IQSEC1: variants seen among roughly 807,000 people sequenced by gnomAD.
The protein encoded by IQSEC1 is IQ motif and SEC7 domain-containing protein 1.
A neutral mutation model predicts 91.0 loss-of-function variants in IQSEC1; 31 were observed. That is an observed-to-expected ratio of 0.34 (90% CI 0.26 to 0.46). The LOEUF (loss-of-function observed/expected upper bound fraction) is 0.46. IQSEC1 is among the 20% of genes least tolerant of loss of function. The pLI, the probability that IQSEC1 is intolerant of heterozygous loss-of-function variation, is 1.00. For missense variants in IQSEC1, 1,388 were observed against 1,575.6 expected (o/e 0.88, Z 2.02); for synonymous variants, 699 against 662.6 (o/e 1.05, Z -0.84).
chr3:13,096,267 C>T (rs185355466), intron 2 of IQSEC1, among the ~76,000 whole-genome samples: 19 of 152,364 alleles, frequency 1.2e-4, no homozygotes, highest in African/African-American at 4.6e-4. Flanking sequence ...AGGCTACGCC[C>T]TAGCTCTTGG....
In IQSEC1 at chr3:13,211,856, G is replaced by A. The variant is rs890162008; in HGVS notation, c.273-47723C>T. Among the ~76,000 whole-genome samples, 16 of 152,108 alleles carry A rather than the reference G, an allele frequency of 1.1e-4. No homozygotes were observed. Among genetic ancestry groups the A allele is most frequent in the African/African-American group, 3.1e-4 (13 of 41,414 alleles). On this transcript the variant is annotated intron_variant, in intron 1 of 15. Transcript: ENST00000648114. The surrounding 1 kb of genome is among the most constrained non-coding windows in gnomAD (Gnocchi z 5.3). Reference sequence around the variant, plus strand: ...CTCCATGCAGCCCTCGCCCACCCTCGCAGGCACAGTCCCTCCACGCTGGTT... The same window carrying A: ...CTCCATGCAGCCCTCGCCCACCCTCACAGGCACAGTCCCTCCACGCTGGTT...
Position 12,922,209 on chromosome 3 carries a change from C to T in IQSEC1, c.1764G>A (p.Met588Ile). Residue 588 changes from methionine (M) to isoleucine (I), a missense_variant, in exon 5 of 14, where the codon ATG becomes ATA. By Grantham distance (10) the Met-to-Ile change is conservative. Transcript: ENST00000613206. The surrounding 1 kb of genome is among the most constrained non-coding windows in gnomAD (Gnocchi z 5.1). ...ATTTCCTGAGGGCCTCATCCAGCTC[C>T]ATGGTAGAGAAGTCCATCTCGTCCA... Reference protein sequence around the residue: ...CVVDEMDFSTMELDEALRKFQ... With the variant: ...CVVDEMDFSTIELDEALRKFQ... The T allele has an allele frequency of 6.2e-7, 1 of 1,607,168 alleles. No individual in the cohort carries two copies. Among genetic ancestry groups the T allele is most frequent in the East Asian group, 2.3e-5 (1 of 44,300 alleles).
At chr3:13,041,751 G>A (rs967603267) in intron 1 of IQSEC1, among the ~76,000 whole-genome samples, 9 of 152,124 alleles carry the variant, frequency 5.9e-5, no homozygotes, top group African/African-American at 2.2e-4. Context: ...CATCAAATCC[G>A]AATCCCTACA....
rs1340100334 is a variant in IQSEC1, at chr3:13,008,320, AAT to A, written c.23+64670_23+64671del. ...CCCTCCCTCCAGCAAATGTTTAGAG[AAT>A]GAGGTAAGCATCCTCCACCAGTGAC... On this transcript the variant is annotated intron_variant, in intron 1 of 13. Transcript: ENST00000613206. This position sits in a 1 kb window ranked among gnomAD's most constrained non-coding sequence, Gnocchi z 4.1. Among the ~76,000 whole-genome samples the A allele has an allele frequency of 1.3e-5, 2 of 151,956 alleles. No homozygotes were observed. Among genetic ancestry groups the A allele is most frequent in the Non-Finnish European group, 2.9e-5 (2 of 67,886 alleles).
intron 1 of IQSEC1, among the ~76,000 whole-genome samples, chr3:13,273,833 C>T (rs1695628002): frequency 6.6e-6 from 1 of 152,168 alleles, no homozygotes; most frequent in Non-Finnish European, 1.5e-5. Context: ...CTCTGCCTCA[C>T]CCCTCGCCCC....
At chr3:13,184,496 C>A (rs1029760875) in intron 1 of IQSEC1, among the ~76,000 whole-genome samples, 1 of 152,196 alleles carries the variant, frequency 6.6e-6, no homozygotes, top group African/African-American at 2.4e-5. Flanking sequence ...TTCCAGCTAC[C>A]TTTATGGAGA....
intron 10 of IQSEC1, among the ~76,000 whole-genome samples, chr3:12,910,050 A>G (rs1695416274): frequency 6.6e-6 from 1 of 151,846 alleles, no homozygotes; most frequent in South Asian, 2.1e-4. Flanking sequence ...CTGTGTGCAT[A>G]TGTGTGCACA....
At chr3:13,030,793 C>T (rs762892514) in intron 1 of IQSEC1, among the ~76,000 whole-genome samples, 1 of 152,200 alleles carries the variant, frequency 6.6e-6, no homozygotes, top group Non-Finnish European at 1.5e-5. Context: ...ACATGAAAAA[C>T]AGCATGGAGT....
At chr3:13,218,025 C>T (rs1301525977) in intron 1 of IQSEC1, among the ~76,000 whole-genome samples, 1 of 152,212 alleles carries the variant, frequency 6.6e-6, no homozygotes, top group Admixed American at 6.5e-5. Context: ...TCATCACATG[C>T]TAGCCCCCCA....
intron 1 of IQSEC1, among the ~76,000 whole-genome samples, chr3:12,951,625 A>G (rs74651601): frequency 0.013 from 2,023 of 152,282 alleles, 46 homozygotes; most frequent in African/African-American, 0.046. Flanking sequence ...CCTGGCACGC[A>G]GTTCTAGGAG....
intron 2 of IQSEC1, among the ~76,000 whole-genome samples, chr3:13,119,776 G>A (rs183945279): frequency 2.6e-5 from 4 of 152,288 alleles, no homozygotes; most frequent in African/African-American, 7.2e-5. Context: ...AAGGATAGGC[G>A]GCAGGAGAGT....
chr3:13,100,758 A>C (rs1335768937), intron 2 of IQSEC1, among the ~76,000 whole-genome samples: 2 of 148,770 alleles, frequency 1.3e-5, no homozygotes, highest in Non-Finnish European at 1.5e-5. Flanking sequence ...TGTTCATTGG[A>C]CACTGGTCTG....
Position 13,032,000 on chromosome 3 carries a change from A to C in IQSEC1, c.23+40992T>G, listed in dbSNP as rs187860495. Among the ~76,000 whole-genome samples, 4 of 152,256 alleles carry C rather than the reference A, an allele frequency of 2.6e-5. No individual in the cohort carries two copies. The East Asian group carries it at 5.8e-4, about 22-fold the overall frequency. On this transcript the variant is annotated intron_variant, in intron 1 of 13. Transcript: ENST00000613206. ...CACAGAAAAGTTGTGGGAAGAGCACAAAGAACCCCTGTATAGCCTTCACCC... is the reference window on the plus strand; with the variant it reads ...CACAGAAAAGTTGTGGGAAGAGCACCAAGAACCCCTGTATAGCCTTCACCC...
intron 1 of IQSEC1, among the ~76,000 whole-genome samples, chr3:13,261,335 C>A (rs1175537997): frequency 3.3e-5 from 5 of 152,156 alleles, no homozygotes; most frequent in African/African-American, 1.2e-4. Flanking sequence ...TTAGGGACAC[C>A]CCTTCAGAGC....
At chr3:13,084,284 TA>T (rs1307272225) in intron 2 of IQSEC1, among the ~76,000 whole-genome samples, 1 of 151,908 alleles carries the variant, frequency 6.6e-6, no homozygotes, top group African/African-American at 2.4e-5. Context: ...CATCACTACA[TA>T]GGTGGTGTGG....
Position 13,211,845 on chromosome 3 carries a change from C to T in IQSEC1, c.273-47712G>A, listed in dbSNP as rs1694454082. 6.6e-6 allele frequency among the ~76,000 whole-genome samples: 1 copy of T among 152,222 alleles called. No individual in the cohort carries two copies. The highest frequency in any genetic ancestry group is 6.5e-5 in the Admixed American group (1 of 15,294). ...AATGCCGCACCCTCCATGCAGCCCTCGCCCACCCTCGCAGGCACAGTCCCT... is the reference window on the plus strand; with the variant it reads ...AATGCCGCACCCTCCATGCAGCCCTTGCCCACCCTCGCAGGCACAGTCCCT... On this transcript the variant is annotated intron_variant, in intron 1 of 15. Transcript: ENST00000648114. This position sits in a 1 kb window ranked among gnomAD's most constrained non-coding sequence, Gnocchi z 5.3.
intron 1 of IQSEC1, among the ~76,000 whole-genome samples, chr3:13,215,717 G>A (rs1483438929): frequency 1.3e-5 from 2 of 152,220 alleles, no homozygotes; most frequent in African/African-American, 4.8e-5. Context: ...CCTGGCACGG[G>A]CTGGGCAGAG....
At chr3:13,054,901 T>C (rs1704820563) in intron 1 of IQSEC1, among the ~76,000 whole-genome samples, 1 of 152,186 alleles carries the variant, frequency 6.6e-6, no homozygotes, top group Admixed American at 6.5e-5. Context: ...AAAACGGGGC[T>C]GATCAGAGGT....
chr3:13,247,964 C>T (rs1357823650), intron 1 of IQSEC1, among the ~76,000 whole-genome samples: 1 of 152,218 alleles, frequency 6.6e-6, no homozygotes, highest in Non-Finnish European at 1.5e-5. Flanking sequence ...TGTTCACAGT[C>T]CTCTCCTGCC....
Sources: allele counts gnomAD v4.1 joint callset (sites outside exome capture counted in the v4.1 genomes callset), GRCh38; gene constraint gnomAD v4.1.1; non-coding constraint Gnocchi (gnomAD v3.1); transcripts MANE v1.5; gene names NCBI Gene and HGNC (gene_info 2026-07-23, HGNC 2026-07-21).